The following FAM222B variants were observed in gnomAD, a reference collection of about 807,000 sequenced individuals.
The protein encoded by FAM222B is protein FAM222B.
FAM222B carries 12 observed loss-of-function variants against 38.0 expected under a neutral mutation model. The observed-to-expected ratio is 0.32, with a 90% CI of 0.20 to 0.51. The LOEUF (loss-of-function observed/expected upper bound fraction) is 0.51, where lower values mean the gene tolerates loss of function less well. Ranked by LOEUF, FAM222B falls within the 20% of genes least tolerant of loss-of-function variation. FAM222B has a pLI of 0.97. For synonymous variants in FAM222B, 329 were observed against 317.2 expected (o/e 1.04, Z -0.40); for missense variants, 716 against 754.2 (o/e 0.95, Z 0.59).
chr17:28,795,228 C>T (rs1020589220), intron 1 of FAM222B, among the ~76,000 whole-genome samples: 17 of 152,128 alleles, frequency 1.1e-4, no homozygotes, highest in East Asian at 1.9e-4. Flanking sequence ...TCTCATATCA[C>T]GGCAACCTCC....
intron 2 of FAM222B, among the ~76,000 whole-genome samples, chr17:28,761,231 A>C (rs2035058444): frequency 6.6e-6 from 1 of 152,236 alleles, no homozygotes; most frequent in Admixed American, 6.5e-5. Flanking sequence ...AAAAAGGAAA[A>C]GGTTCTGAGA....
chr17:28,816,521 T>G (rs1313167988), intron 1 of FAM222B, among the ~76,000 whole-genome samples: 2 of 152,008 alleles, frequency 1.3e-5, no homozygotes, highest in Non-Finnish European at 2.9e-5. Context: ...CACCCTATTT[T>G]GCAAATTTCC....
At chr17:28,825,062 A>G (rs2038388519) in intron 1 of FAM222B, among the ~76,000 whole-genome samples, 1 of 151,390 alleles carries the variant, frequency 6.6e-6, no homozygotes, top group African/African-American at 2.4e-5. Context: ...CTGTGCCCGC[A>G]CTACAATCCA....
At chr17:28,844,875 C>T (rs1180201481), upstream of FAM222B, among the ~76,000 whole-genome samples, 2 of 151,644 alleles carry the variant, frequency 1.3e-5, no homozygotes, top group African/African-American at 4.8e-5. Context: ...TTAAGGCGGG[C>T]GGATCACTTG....
chr17:28,847,505 T>A (rs11650788), upstream of FAM222B, among the ~76,000 whole-genome samples: 37,751 of 150,996 alleles, frequency 0.25, 5,288 homozygotes, highest in African/African-American at 0.35. Flanking sequence ...AAGGCAGGAC[T>A]ATTGCTTGAA....
At chr17:28,851,331 G>A (rs1233192192) in intron 1 of FAM222B, among the ~76,000 whole-genome samples, 1 of 151,538 alleles carries the variant, frequency 6.6e-6, no homozygotes, top group Non-Finnish European at 1.5e-5. Flanking sequence ...TCAGGAGTTC[G>A]AGACCAGCCT....
chr17:28,822,630 AAAT>A lies in FAM222B; in HGVS notation c.-41+20049_-41+20051del, dbSNP rs556788419. On this transcript the variant is annotated intron_variant, in intron 1 of 2. Coordinates refer to ENST00000581407, the MANE Select transcript of FAM222B (RefSeq NM_001077498.3). ...AACAAGAGCGAAACTCCACCACAAAAAATAATAATAATAATACAAAATTAGCCG... is the reference window on the plus strand; with the variant it reads ...AACAAGAGCGAAACTCCACCACAAAAAATAATAATAATACAAAATTAGCCG... 3.5e-5 allele frequency among the ~76,000 whole-genome samples: 5 copies of A among 142,840 alleles called. No individual in the cohort carries two copies. The East Asian group carries it at 1.1e-3, about 31-fold the overall frequency. 93.7% of individuals were successfully genotyped at this position (142,840 alleles called of 152,430 possible). A position where few individuals can be genotyped will look rare whatever the true frequency, so the allele number is the denominator to read the frequency against.
At chr17:28,773,141 C>T (rs2151810365) in intron 1 of FAM222B, among the ~76,000 whole-genome samples, 1 of 152,144 alleles carries the variant, frequency 6.6e-6, no homozygotes, top group African/African-American at 2.4e-5. Flanking sequence ...AAACGAACTG[C>T]TAAGATTACA....
At chr17:28,840,232 T>C (rs1598059697) in intron 1 of FAM222B, among the ~76,000 whole-genome samples, 1 of 151,958 alleles carries the variant, frequency 6.6e-6, no homozygotes, top group Non-Finnish European at 1.5e-5. Flanking sequence ...CCGGGCATGG[T>C]GGTGGGTGCC....
chr17:28,817,495 T>TGGACTACCTGAGGTCA (rs1412072558), intron 1 of FAM222B, among the ~76,000 whole-genome samples: 2 of 151,884 alleles, frequency 1.3e-5, no homozygotes, highest in African/African-American at 4.8e-5. Flanking sequence ...AGGCCGAGGC[T>TGGACTACCTGAGGTCA]GGACTACCTG....
chr17:28,769,705 A>C (rs1193501413), intron 1 of FAM222B, among the ~76,000 whole-genome samples: 2 of 152,170 alleles, frequency 1.3e-5, no homozygotes, highest in Admixed American at 1.3e-4. Flanking sequence ...ATGATCTATT[A>C]CTACTGGTTC....
At chr17:28,808,941 A>G (rs930911349) in intron 1 of FAM222B, among the ~76,000 whole-genome samples, 1 of 152,014 alleles carries the variant, frequency 6.6e-6, no homozygotes. Flanking sequence ...TTTTTCTTTC[A>G]CCTTCTCAAG....
rs1473528287 is a variant in FAM222B, at chr17:28,759,371, C to T, written c.588G>A (p.Leu196=). Residue 196 remains leucine, a synonymous_variant, in exon 3 of 3, where the codon CTG becomes CTA. Transcript: ENST00000581407. The surrounding 1 kb of genome is among the most constrained non-coding windows in gnomAD (Gnocchi z 4.8). ...HPQSLQQPQG[L]GHPQPMAQTQ... is the part of the protein sequence containing the mutation. ...TTTGGGCCATGGGCTGAGGGTGGCC[C>T]AGGCCCTGAGGCTGCTGGAGGCTCT... The T allele has an allele frequency of 1.9e-6, 3 of 1,608,280 alleles. No individual in the cohort carries two copies. The highest frequency in any genetic ancestry group is 1.3e-5 in the African/African-American group (1 of 74,852).
At position 28,853,193 on chromosome 17, in the gene FAM222B, CAAA is replaced by C. The variant is rs71359260; in HGVS notation, c.-41+1754_-41+1756del. Among the ~76,000 whole-genome samples the C allele has an allele frequency of 2.8e-3, 311 of 112,174 alleles. 2 individuals carry two copies. The highest frequency in any genetic ancestry group is 8.5e-3 in the African/African-American group (259 of 30,398). 73.6% of individuals were successfully genotyped at this position (112,174 alleles called of 152,430 possible). A position where few individuals can be genotyped will look rare whatever the true frequency, so the allele number is the denominator to read the frequency against. Reference sequence around the variant, plus strand: ...GGGCAACAAGAGTGAAACTCTGTCTCAAAAAAAAAAAAAAAAAAGAATTACTAG... The same window carrying C: ...GGGCAACAAGAGTGAAACTCTGTCTCAAAAAAAAAAAAAAAGAATTACTAG... On this transcript the variant is annotated intron_variant, in intron 1 of 2. Transcript: ENST00000577513.
Position 28,766,677 on chromosome 17 carries a change from G to C in FAM222B, c.-10C>G. 3 of 1,595,956 alleles carry C rather than the reference G, an allele frequency of 1.9e-6. No individual in the cohort carries two copies. The highest frequency in any genetic ancestry group is 2.3e-5 in the South Asian group (2 of 88,050). On this transcript the variant is annotated 5_prime_UTR_variant, in exon 2 of 3. Coordinates refer to ENST00000581407, the MANE Select transcript of FAM222B (RefSeq NM_001077498.3). ...GTAGACAGGCTAGCATGGCAGATTGGCATCAACACAACATGGGGCAGTGGC... is the reference window on the plus strand; with the variant it reads ...GTAGACAGGCTAGCATGGCAGATTGCCATCAACACAACATGGGGCAGTGGC...
intron 1 of FAM222B, among the ~76,000 whole-genome samples, chr17:28,767,606 G>A (rs934581898): frequency 2.6e-5 from 4 of 151,944 alleles, no homozygotes; most frequent in Middle Eastern, 3.2e-3. Context: ...CTCTCTAGCA[G>A]CTGGGATTAC....
chr17:28,817,954 T>C (rs1298278706), intron 1 of FAM222B, among the ~76,000 whole-genome samples: 1 of 152,158 alleles, frequency 6.6e-6, no homozygotes, highest in Admixed American at 6.6e-5. Context: ...AAATAACCTA[T>C]ACCTAGATGG....
In FAM222B at chr17:28,823,062, A is replaced by G. The variant is rs536815779; in HGVS notation, c.-41+19620T>C. 1.5e-4 allele frequency among the ~76,000 whole-genome samples: 22 copies of G among 146,158 alleles called. No homozygotes were observed. In the East Asian group the frequency reaches 2.2e-3, roughly 15 times the overall value. On this transcript the variant is annotated intron_variant, in intron 1 of 2. Transcript: ENST00000581407. ...GAGACTGAGACTCCATCTTGGGGGG[A>G]AAAAAAAAACATATTCAACTGGAAT...
intron 1 of FAM222B, among the ~76,000 whole-genome samples, chr17:28,840,669 A>G (rs1021103587): frequency 6.6e-6 from 1 of 151,944 alleles, no homozygotes; most frequent in African/African-American, 2.4e-5. Flanking sequence ...TAAAAATAAT[A>G]AAATGGGCCA....
Sources: gnomAD v4.1 joint callset for allele counts (sites outside exome capture counted in the v4.1 genomes callset) on GRCh38, gnomAD v4.1.1 for gene constraint, Gnocchi (gnomAD v3.1) non-coding constraint, MANE v1.5 for transcripts, NCBI Gene and HGNC (gene_info 2026-07-23, HGNC 2026-07-21) for gene names.